Variants in ZNF195 observed in about 807,000 individuals in gnomAD.
ZNF195 encodes hypoxia-regulated factor-1.
Under a neutral mutation model 19.5 loss-of-function variants are expected in ZNF195, and 11 were observed. The ratio of observed to expected loss-of-function variants is 0.57; its 90% CI spans 0.36 to 0.94. The LOEUF is 0.94. Ranked by LOEUF, ZNF195 falls within the 40% of genes least tolerant of loss-of-function variation. ZNF195 has a pLI of 0.01. For synonymous variants in ZNF195, 214 were observed against 248.1 expected (o/e 0.86, Z 1.29); for missense variants, 582 against 709.0 (o/e 0.82, Z 2.03).
At chr11:3,361,291 T>C (rs534788665) in intron 4 of ZNF195, among the ~76,000 whole-genome samples, 2 of 152,322 alleles carry the variant, frequency 1.3e-5, no homozygotes, top group Non-Finnish European at 2.9e-5. Flanking sequence ...AGGAGGCTTG[T>C]TGTTAATGCC....
rs928265961 is a variant in ZNF195, at chr11:3,370,380, TA to T, written c.226+594del. ...TTAAATGACCAACCTCAGCTCATAC[TA>T]AAAAAAATAAAATAAAATGTTGAAG... On this transcript the variant is annotated intron_variant, in intron 3 of 5. Transcript: ENST00000399602. Among the ~76,000 whole-genome samples the T allele has an allele frequency of 2.8e-3, 431 of 152,036 alleles. 1 individual carries two copies. The highest frequency in any genetic ancestry group is 0.014 in the Middle Eastern group (4 of 294).
chr11:3,374,561 A>C (rs540212829), intron 1 of ZNF195, among the ~76,000 whole-genome samples: 1 of 152,366 alleles, frequency 6.6e-6, no homozygotes, highest in East Asian at 1.9e-4. Flanking sequence ...TTAAGCAGGC[A>C]CGGGGTGCTC....
At position 3,377,672 on chromosome 11, in the gene ZNF195, C is replaced by T. The variant is rs141144610; in HGVS notation, c.3+1366G>A. 7.4e-5 allele frequency: 91 copies of T among 1,232,688 alleles called. No homozygotes were observed. In the East Asian group the frequency reaches 4.2e-3, roughly 57 times the overall value. 76.4% of individuals were successfully genotyped at this position (1,232,688 alleles called of 1,614,324 possible). ...TCTCTCAGCCCAGGGCATCCAGCTGCTCCCTGGAGAGGCCACACTTCATAC... is the reference window on the plus strand; with the variant it reads ...TCTCTCAGCCCAGGGCATCCAGCTGTTCCCTGGAGAGGCCACACTTCATAC... On this transcript the variant is annotated intron_variant, in intron 1 of 5. Coordinates refer to ENST00000399602, the MANE Select transcript of ZNF195 (RefSeq NM_001130520.3).
In ZNF195 at chr11:3,360,493, A is replaced by T. The variant is rs754662617; in HGVS notation, c.515T>A (p.Leu172Gln). 1.2e-6 allele frequency: 2 copies of T among 1,608,102 alleles called. No individual in the cohort carries two copies. The highest frequency in any genetic ancestry group is 1.7e-6 in the Non-Finnish European group (2 of 1,179,310). ...GIQDAFPKRI[L>Q]RGYGNCGLDN... is the part of the protein sequence containing the mutation. The stretch of plus-strand genomic sequence containing the variant: ...AAGGCCACAATTTCCATATCCTCTC[A>T]GTATTCTTTTTGGGAATGCATCTTG... The change falls in exon 6 of 6, where the codon CTG becomes CAG. Residue 172 changes from leucine (L) to glutamine (Q), a missense_variant. By Grantham distance (113) the Leu-to-Gln change is moderately radical. Transcript: ENST00000399602.
chr11:3,376,001 C>T (rs7103207), intron 1 of ZNF195, among the ~76,000 whole-genome samples: 112,238 of 152,140 alleles, frequency 0.74, 41,885 homozygotes, highest in Middle Eastern at 0.8. Context: ...TTGCAATCCT[C>T]CTTTAGAGTT....
chr11:3,377,822 G>A, intron 1 of ZNF195: 1 of 989,416 alleles, frequency 1.0e-6, no homozygotes, highest in Non-Finnish European at 1.2e-6. Flanking sequence ...AAGTCCAGAG[G>A]GTGGCTGAGA....
At chr11:3,366,312 C>G (rs1169219159) in intron 3 of ZNF195, among the ~76,000 whole-genome samples, 4 of 145,146 alleles carry the variant, frequency 2.8e-5, no homozygotes, top group Non-Finnish European at 1.5e-5. Context: ...AAATATAGGA[C>G]AGCAAATGCA....
intron 1 of ZNF195, among the ~76,000 whole-genome samples, chr11:3,372,936 G>A (rs1255240961): frequency 2.0e-5 from 3 of 152,350 alleles, no homozygotes; most frequent in African/African-American, 7.2e-5. Flanking sequence ...GTTTCACCAT[G>A]TTGGTCAGGC....
In ZNF195 at chr11:3,358,948, T is replaced by C. The variant is rs549086413; in HGVS notation, c.*170A>G. On this transcript the variant is annotated 3_prime_UTR_variant, in exon 6 of 6. Transcript: ENST00000399602. ...TCTTCCATCTAGTATAATTGTAACA[T>C]TTTTTTCAGAAGAAATACTCTTGTG... The C allele has an allele frequency of 4.3e-6, 4 of 937,622 alleles. No homozygotes were observed. The South Asian group carries it at 1.7e-4, about 40-fold the overall frequency. The allele number at this position is 937,622 out of a possible 1,614,324, so 58.1% of individuals were successfully genotyped here.
chr11:3,371,443 T>C, intron 2 of ZNF195, 134 bp downstream of exon 2: 1 of 1,159,020 alleles, frequency 8.6e-7, no homozygotes, highest in Non-Finnish European at 1.2e-6. Flanking sequence ...CATCAACTAT[T>C]CCCCATGTTT....
At chr11:3,373,607 C>A (rs1849318560) in intron 1 of ZNF195, 1 of 1,550,642 alleles carries the variant, frequency 6.4e-7, no homozygotes, top group Non-Finnish European at 8.7e-7. Flanking sequence ...TCTCTTTCTC[C>A]TGCTTCTCTG....
intron 1 of ZNF195, among the ~76,000 whole-genome samples, chr11:3,378,267 G>A (rs1252108539): frequency 1.3e-5 from 2 of 151,916 alleles, no homozygotes; most frequent in Non-Finnish European, 2.9e-5. Context: ...CCGAGATCGC[G>A]CCACTGCACT....
chr11:3,361,451 G>C (rs1564914734), intron 4 of ZNF195, among the ~76,000 whole-genome samples: 2 of 152,102 alleles, frequency 1.3e-5, no homozygotes, highest in Non-Finnish European at 2.9e-5. Flanking sequence ...AATGCTCAAT[G>C]AGTAAAAATG....
rs990541685 is a variant in ZNF195 at position 3,359,614 on chromosome 11, G to A, written c.1394C>T (p.Pro465Leu). The change falls in exon 6 of 6, where the codon CCC (proline) becomes CTC (leucine). Residue 465 changes from proline (P) to leucine (L), a missense_variant. Physicochemically the swap from Pro to Leu is moderately conservative, Grantham distance 98 (BLOSUM62 -3). Transcript: ENST00000399602. The surrounding 1 kb of genome is among the most constrained non-coding windows in gnomAD (Gnocchi z 5.5). ...CTTCCCACATTCTTCACATTGGTAG[G>A]GTTTCTCTCCGGTGTGAATCCTCCT... ...EHRRIHTGEK[P>L]YQCEECGKVF... 1.2e-6 allele frequency: 2 copies of A among 1,614,110 alleles called. No individual in the cohort carries two copies. The highest frequency in any genetic ancestry group is 1.7e-6 in the Non-Finnish European group (2 of 1,180,026).
intron 3 of ZNF195, chr11:3,369,586 C>T (rs1849080336): frequency 2.4e-6 from 1 of 423,664 alleles, no homozygotes; most frequent in South Asian, 1.7e-5. Context: ...TGTCATTCAA[C>T]CACGTGGATG....
At chr11:3,371,258 A>G in intron 2 of ZNF195, 188 bp from the exon 3 acceptor site, 1 of 662,332 alleles carries the variant, frequency 1.5e-6, no homozygotes, top group East Asian at 2.8e-5. Flanking sequence ...TTCACCACTC[A>G]GTACTGCTGA....
rs773417419 is a variant in ZNF195, at chr11:3,359,566, A to C, written c.1442T>G (p.Leu481Arg). ...CGKVFRTCSS[L>R]SNHKRTHSEE... Reference sequence around the variant, plus strand: ...AGAATGAGTTCTCTTATGGTTAGAAAGGCTTGAGCAAGTTCTGAAGACCTT... The same window carrying C: ...AGAATGAGTTCTCTTATGGTTAGAACGGCTTGAGCAAGTTCTGAAGACCTT... Residue 481 changes from leucine (L) to arginine (R), a missense_variant, in exon 6 of 6, where the codon CTT (leucine) becomes CGT (arginine). Physicochemically the swap from Leu to Arg is moderately radical, Grantham distance 102 (BLOSUM62 -2). Around this residue, in one of 3 missense-constraint regions of ZNF195, gnomAD observed 407 missense variants for 530.5 expected, o/e 0.77. Transcript: ENST00000399602. The surrounding 1 kb of genome is among the most constrained non-coding windows in gnomAD (Gnocchi z 5.5). 1.9e-5 allele frequency: 30 copies of C among 1,614,050 alleles called. No individual in the cohort carries two copies. Among genetic ancestry groups the C allele is most frequent in the African/African-American group, 2.7e-5 (2 of 74,904 alleles).
chr11:3,376,991 A>G (rs1849498066), intron 1 of ZNF195, among the ~76,000 whole-genome samples: 1 of 152,192 alleles, frequency 6.6e-6, no homozygotes. Context: ...CCCAAAGCTA[A>G]GCCCTGGGAT....
In ZNF195 at chr11:3,379,117, AG is replaced by A; in HGVS notation, c.-78del. On this transcript the variant is annotated 5_prime_UTR_variant, in exon 1 of 6. Coordinates refer to ENST00000399602, the MANE Select transcript of ZNF195 (RefSeq NM_001130520.3). ...GCGGGTCACACGACCTACGGCTAGC[AG>A]GGGACACAGAGCCGCGGGGACAGGA... 1 of 1,420,294 alleles carries A rather than the reference AG, an allele frequency of 7.0e-7. No individual in the cohort carries two copies. Among genetic ancestry groups the A allele is most frequent in the Non-Finnish European group, 9.3e-7 (1 of 1,077,170 alleles). The allele number at this position is 1,420,294 out of a possible 1,614,324, so 88.0% of individuals were successfully genotyped here.
Sources: gnomAD v4.1 joint callset for allele counts (sites outside exome capture counted in the v4.1 genomes callset) on GRCh38, gnomAD v4.1.1 for gene constraint, gnomAD v4.1.1 regional missense constraint, Gnocchi (gnomAD v3.1) non-coding constraint, MANE v1.5 for transcripts, NCBI Gene and HGNC (gene_info 2026-07-23, HGNC 2026-07-21) for gene names.